KMT2C: variants seen among roughly 807,000 people sequenced by gnomAD.
KMT2C encodes lysine methyltransferase 2C.
In KMT2C, 88 loss-of-function variants were observed where a neutral mutation model predicts 507.9. That is an observed-to-expected ratio of 0.17 (90% CI 0.15 to 0.21). The LOEUF (loss-of-function observed/expected upper bound fraction) is 0.21. KMT2C is among the 10% of genes least tolerant of loss of function. The pLI is 1.00. For synonymous variants in KMT2C, 2,049 were observed against 2,080.8 expected, an observed-to-expected ratio of 0.98 and a Z score of 0.42; for missense variants, 4,954 against 5,957.8, an observed-to-expected ratio of 0.83 and a Z score of 5.55.
intron 6 of KMT2C, among the ~76,000 whole-genome samples, chr7:152,307,211 A>G (rs1366582067): frequency 8.3e-6 from 1 of 120,778 alleles, no homozygotes; most frequent in African/African-American, 3.9e-5. Context: ...GGAAGGAAGG[A>G]AGGAAGGAAG....
intron 23 of KMT2C, among the ~76,000 whole-genome samples, chr7:152,216,419 C>T (rs1473343791): frequency 3.3e-5 from 5 of 152,160 alleles, no homozygotes; most frequent in Non-Finnish European, 5.9e-5. Context: ...ACTCCAGGAA[C>T]ATCACAGTTT....
intron 2 of KMT2C, among the ~76,000 whole-genome samples, chr7:152,344,692 A>G (rs1400571544): frequency 6.6e-6 from 1 of 152,154 alleles, no homozygotes; most frequent in Non-Finnish European, 1.5e-5. Context: ...GCTCAATTAA[A>G]ACCACAAAAG....
intron 43 of KMT2C, among the ~76,000 whole-genome samples, chr7:152,161,401 A>G (rs2092448061): frequency 6.6e-6 from 1 of 152,228 alleles, no homozygotes; most frequent in South Asian, 2.1e-4. Flanking sequence ...TGCACTGGTA[A>G]TGGCACTGCA....
chr7:152,343,541 G>A (rs1563930371), intron 2 of KMT2C, among the ~76,000 whole-genome samples: 3 of 149,702 alleles, frequency 2.0e-5, no homozygotes, highest in Admixed American at 1.3e-4. Flanking sequence ...ACAAAAGAGA[G>A]GAAGAAGAAG....
In KMT2C at chr7:152,155,945, G is replaced by A; in HGVS notation, c.11925C>T (p.Leu3975=). Residue 3975 remains leucine (L), a synonymous_variant, in exon 46 of 59, where the codon CTC becomes CTT. Transcript: ENST00000262189. ...GPKTVDVPAS[L]PTPPHNNQEE... ...CCTGATTGTTATGAGGTGGTGTTGGGAGGGAGGCTGGCACATCAACTGTCT... is the reference window on the plus strand; with the variant it reads ...CCTGATTGTTATGAGGTGGTGTTGGAAGGGAGGCTGGCACATCAACTGTCT... 3 of 1,609,406 alleles carry A rather than the reference G, an allele frequency of 1.9e-6. No homozygotes were observed. Among genetic ancestry groups the A allele is most frequent in the South Asian group, 1.1e-5 (1 of 89,798 alleles).
chr7:152,409,836 C>T (rs930922171), intron 1 of KMT2C, among the ~76,000 whole-genome samples: 37 of 152,142 alleles, frequency 2.4e-4, no homozygotes, highest in African/African-American at 8.2e-4. Context: ...ATTAAACACA[C>T]ATGAAGAAAT....
Position 152,182,066 on chromosome 7 carries a change from C to G in KMT2C, c.5794G>C (p.Val1932Leu). 1 of 1,614,082 alleles carries G rather than the reference C, an allele frequency of 6.2e-7. No individual in the cohort carries two copies. The highest frequency in any genetic ancestry group is 2.2e-5 in the East Asian group (1 of 44,880). Residue 1932 changes from valine to leucine, a missense_variant, in exon 36 of 59, where the codon GTA (valine) becomes CTA (leucine). This residue lies in a region of KMT2C where 1,689 missense variants were observed against 1,654.3 expected (regional missense o/e 1.02). Coordinates refer to ENST00000262189, the MANE Select transcript of KMT2C (RefSeq NM_170606.3). ...PVENCTPLSSVSRPLQMNETT... is the reference protein window; with the variant it reads ...PVENCTPLSSLSRPLQMNETT... ...TCATTCATTTGAAGGGGCCTAGATA[C>G]CGATGATAAAGGTGTACAGTTTTCC...
At chr7:152,391,951 T>A (rs930190489) in intron 1 of KMT2C, among the ~76,000 whole-genome samples, 2 of 152,140 alleles carry the variant, frequency 1.3e-5, no homozygotes, top group African/African-American at 4.8e-5. Flanking sequence ...AATGCTGGAT[T>A]CCTCACCAGT....
chr7:152,173,597 CTACT>C (rs1563241659), intron 39 of KMT2C, among the ~76,000 whole-genome samples: 1 of 152,176 alleles, frequency 6.6e-6, no homozygotes, highest in Non-Finnish European at 1.5e-5. Context: ...GAAATAACCC[CTACT>C]GTCTTCTTTA....
chr7:152,313,179 G>A (rs1372556319), intron 4 of KMT2C, among the ~76,000 whole-genome samples: 2 of 151,396 alleles, frequency 1.3e-5, no homozygotes, highest in Non-Finnish European at 2.9e-5. Flanking sequence ...TTTCCTATAA[G>A]TATAATCTCT....
chr7:152,358,538 A>G (rs765065378), intron 2 of KMT2C, 49 bp downstream of exon 2: 1 of 1,165,486 alleles, frequency 8.6e-7, no homozygotes, highest in South Asian at 1.3e-5. Context: ...GTGTACAAAC[A>G]TATGCAAAGC....
At chr7:152,164,389 A>C (rs1294098383) in intron 42 of KMT2C, among the ~76,000 whole-genome samples, 2 of 150,894 alleles carry the variant, frequency 1.3e-5, no homozygotes, top group Admixed American at 1.3e-4. Context: ...TCCCGGGTTC[A>C]CGCCATTCTC....
chr7:152,353,996 A>G (rs920255489), intron 2 of KMT2C, among the ~76,000 whole-genome samples: 8 of 152,176 alleles, frequency 5.3e-5, no homozygotes, highest in African/African-American at 9.7e-5. Flanking sequence ...TTTAGTGGTT[A>G]TAACAGTTAT....
intron 6 of KMT2C, among the ~76,000 whole-genome samples, chr7:152,299,088 G>A (rs1002440758): frequency 6.6e-6 from 1 of 152,152 alleles, no homozygotes; most frequent in Non-Finnish European, 1.5e-5. Flanking sequence ...GGGAGGCCAA[G>A]GTAAGCGGAT....
intron 1 of KMT2C, among the ~76,000 whole-genome samples, chr7:152,363,174 A>C (rs2097210550): frequency 6.6e-6 from 1 of 152,338 alleles, no homozygotes; most frequent in East Asian, 1.9e-4. Flanking sequence ...TTCCAGTTTC[A>C]GTTTTTAAGG....
At chr7:152,368,190 T>C (rs2097262891) in intron 1 of KMT2C, 2 of 900,388 alleles carry the variant, frequency 2.2e-6, no homozygotes, top group Middle Eastern at 3.3e-4. Flanking sequence ...GTGAACATTG[T>C]GATTTTACAA....
intron 1 of KMT2C, among the ~76,000 whole-genome samples, chr7:152,388,372 G>C (rs935007058): frequency 4.6e-5 from 7 of 151,958 alleles, no homozygotes; most frequent in Middle Eastern, 3.4e-3. Context: ...CAGACTTGTC[G>C]ACATGGTGAA....
intron 6 of KMT2C, among the ~76,000 whole-genome samples, chr7:152,301,120 T>C (rs2096563434): frequency 1.3e-5 from 2 of 151,212 alleles, no homozygotes; most frequent in Admixed American, 1.3e-4. Context: ...ACTAGCACCT[T>C]GGCAGGCCCA....
chr7:152,385,073 T>C (rs1265013469), intron 1 of KMT2C, among the ~76,000 whole-genome samples: 1 of 152,116 alleles, frequency 6.6e-6, no homozygotes, highest in Non-Finnish European at 1.5e-5. Context: ...AAAATAAGAC[T>C]GAACCTGACT....
Sources: allele counts gnomAD v4.1 joint callset (sites outside exome capture counted in the v4.1 genomes callset), GRCh38; gene constraint gnomAD v4.1.1; regional missense constraint gnomAD v4.1.1; transcripts MANE v1.5; gene names NCBI Gene and HGNC (gene_info 2026-07-23, HGNC 2026-07-21).